The following ALK variants were observed in gnomAD, a reference collection of about 807,000 sequenced individuals.
ALK encodes ALK receptor tyrosine kinase, also known as ALK tyrosine kinase receptor.
In ALK, 74 loss-of-function variants were observed where a neutral mutation model predicts 163.1. The observed-to-expected ratio is 0.45, with a 90% confidence interval of 0.38 to 0.55. The LOEUF is 0.55. ALK is among the 20% of genes least tolerant of loss of function. The pLI is 0.00. For synonymous variants in ALK, 960 were observed against 843.2 expected (o/e 1.14, Z -2.40); for missense variants, 2,063 against 2,105.3 (o/e 0.98, Z 0.39).
At chr2:29,541,219 A>C (rs565378113) in intron 3 of ALK, among the ~76,000 whole-genome samples, 3 of 152,332 alleles carry the variant, frequency 2.0e-5, no homozygotes, top group Middle Eastern at 3.4e-3. Flanking sequence ...TTTTCTGCAT[A>C]TCCCAATTTG....
intron 3 of ALK, among the ~76,000 whole-genome samples, chr2:29,545,767 T>C (rs1573445547): frequency 1.3e-5 from 2 of 152,232 alleles, no homozygotes. Flanking sequence ...GTATTCGTTT[T>C]TGAGACTGAA....
chr2:29,598,997 T>A (rs945072679), intron 3 of ALK, among the ~76,000 whole-genome samples: 17 of 151,552 alleles, frequency 1.1e-4, no homozygotes, highest in Non-Finnish European at 1.8e-4. Context: ...AAAAAAAAAA[T>A]TTTTTTCCTC....
intron 4 of ALK, among the ~76,000 whole-genome samples, chr2:29,406,570 C>G (rs1421225484): frequency 6.6e-6 from 1 of 152,116 alleles, no homozygotes; most frequent in East Asian, 1.9e-4. Flanking sequence ...CTGCATGGAG[C>G]TGGGAGGGTA....
At chr2:29,539,661 T>C (rs539081217) in intron 3 of ALK, among the ~76,000 whole-genome samples, 14 of 152,098 alleles carry the variant, frequency 9.2e-5, no homozygotes, top group African/African-American at 2.9e-4. Context: ...ACTCTAATTT[T>C]AATAATCTGA....
intron 1 of ALK, among the ~76,000 whole-genome samples, chr2:29,747,266 C>G (rs542530080): frequency 6.6e-6 from 1 of 152,348 alleles, no homozygotes; most frequent in African/African-American, 2.4e-5. Context: ...TCCAACTAGT[C>G]TGAAAGTTTA....
At chr2:29,272,707 C>T (rs1056994183) in intron 11 of ALK, among the ~76,000 whole-genome samples, 2 of 152,214 alleles carry the variant, frequency 1.3e-5, no homozygotes, top group East Asian at 3.8e-4. Context: ...TCTTATTATC[C>T]TGTCTCCTCG....
chr2:29,697,623 C>T (rs891007567), intron 2 of ALK, among the ~76,000 whole-genome samples: 24 of 152,034 alleles, frequency 1.6e-4, no homozygotes, highest in African/African-American at 5.1e-4. Flanking sequence ...TCCCCGAAGC[C>T]GTGGGAATAA....
chr2:29,337,910 G>C (rs1667671478), intron 5 of ALK, among the ~76,000 whole-genome samples: 1 of 152,208 alleles, frequency 6.6e-6, no homozygotes, highest in Admixed American at 6.5e-5. Context: ...TCTTCTACTA[G>C]CTAGTGGGGT....
intron 3 of ALK, among the ~76,000 whole-genome samples, chr2:29,594,522 G>A (rs1430802762): frequency 2.0e-5 from 3 of 148,994 alleles, no homozygotes; most frequent in South Asian, 2.1e-4. Flanking sequence ...TCTGCCTCCC[G>A]GGTTCAAGCG....
intron 1 of ALK, among the ~76,000 whole-genome samples, chr2:29,914,047 A>G (rs1301220080): frequency 6.6e-6 from 1 of 152,118 alleles, no homozygotes; most frequent in African/African-American, 2.4e-5. Flanking sequence ...TAACTTTCAT[A>G]TTTTCATAAA....
intron 1 of ALK, among the ~76,000 whole-genome samples, chr2:29,827,059 C>G (rs575903020): frequency 6.6e-6 from 1 of 152,312 alleles, no homozygotes; most frequent in East Asian, 1.9e-4. Flanking sequence ...ATATCGGTCT[C>G]AATCTGGTAG....
At chr2:29,765,070 CTATGAT>C (rs1680821102) in intron 1 of ALK, among the ~76,000 whole-genome samples, 1 of 152,136 alleles carries the variant, frequency 6.6e-6, no homozygotes, top group South Asian at 2.1e-4. Flanking sequence ...TTGCTTTCTG[CTATGAT>C]TATAAGTTTC....
chr2:29,713,566 C>T (rs1330955188), intron 2 of ALK, among the ~76,000 whole-genome samples: 1 of 152,134 alleles, frequency 6.6e-6, no homozygotes, highest in Non-Finnish European at 1.5e-5. Context: ...ACCAGGTCAT[C>T]CAGGAAGTGG....
At chr2:29,846,144 C>G (rs1009858197) in intron 1 of ALK, among the ~76,000 whole-genome samples, 2 of 152,184 alleles carry the variant, frequency 1.3e-5, no homozygotes, top group African/African-American at 4.8e-5. Context: ...CTGATCTCAC[C>G]TGGAATTGGC....
chr2:29,604,686 C>A (rs1156273955), intron 3 of ALK, among the ~76,000 whole-genome samples: 1 of 152,172 alleles, frequency 6.6e-6, no homozygotes, highest in African/African-American at 2.4e-5. Flanking sequence ...GTTTGGTTTC[C>A]ATTCCATTAT....
chr2:29,811,539 G>GT (rs1664759945), intron 1 of ALK, among the ~76,000 whole-genome samples: 1 of 152,328 alleles, frequency 6.6e-6, no homozygotes, highest in African/African-American at 2.4e-5. Flanking sequence ...ATTCAGGTTT[G>GT]TGACTCACTG....
intron 1 of ALK, among the ~76,000 whole-genome samples, chr2:29,730,868 G>A (rs550194671): frequency 5.3e-5 from 8 of 152,278 alleles, no homozygotes; most frequent in African/African-American, 1.9e-4. Context: ...CACTACTGGA[G>A]AAGGAAGCTC....
chr2:29,850,475 A>C (rs1228402475), intron 1 of ALK, among the ~76,000 whole-genome samples: 3 of 152,214 alleles, frequency 2.0e-5, no homozygotes, highest in Non-Finnish European at 4.4e-5. Context: ...AAAAGGTTTA[A>C]AAACAAGGGC....
chr2:29,331,573 A>T (rs1273474384), intron 5 of ALK, among the ~76,000 whole-genome samples: 10 of 152,194 alleles, frequency 6.6e-5, no homozygotes, highest in African/African-American at 2.2e-4. Context: ...CCTATCATTC[A>T]TGTCCTCTTG....
Sources: allele counts gnomAD v4.1 joint callset (sites outside exome capture counted in the v4.1 genomes callset), GRCh38; gene constraint gnomAD v4.1.1; transcripts MANE v1.5; gene names NCBI Gene and HGNC (gene_info 2026-07-23, HGNC 2026-07-21).